ZRANB3: variants seen among roughly 807,000 people sequenced by gnomAD.
ZRANB3 encodes zinc finger RANBP2-type containing 3, also known as DNA annealing helicase and endonuclease ZRANB3.
Under a neutral mutation model 133.8 loss-of-function variants are expected in ZRANB3, and 125 were observed. That is an observed-to-expected ratio of 0.93 (90% CI 0.81 to 1.08). The LOEUF (loss-of-function observed/expected upper bound fraction) is 1.08, where lower values mean the gene tolerates loss of function less well. Among genes scored for constraint, ZRANB3 ranks in the 50% least tolerant of loss-of-function variants. The pLI is 0.00. For missense variants in ZRANB3, 1,229 were observed against 1,275.5 expected (o/e 0.96, Z 0.56); for synonymous variants, 387 against 432.7 (o/e 0.89, Z 1.31).
intron 12 of ZRANB3, among the ~76,000 whole-genome samples, chr2:135,237,329 T>G (rs1260536989): frequency 4.4e-4 from 66 of 151,272 alleles, no homozygotes; most frequent in Non-Finnish European, 6.3e-4. Context: ...AGGAACACTT[T>G]TACACTGTTG....
At chr2:135,513,620 A>G (rs531655656) in intron 1 of ZRANB3, among the ~76,000 whole-genome samples, 1 of 152,284 alleles carries the variant, frequency 6.6e-6, no homozygotes, top group African/African-American at 2.4e-5. Flanking sequence ...GAGAAAACAC[A>G]AGAGTAAACC....
chr2:135,415,650 G>A (rs10164636), intron 2 of ZRANB3, among the ~76,000 whole-genome samples: 40,574 of 151,900 alleles, frequency 0.27, 9,082 homozygotes, highest in African/African-American at 0.6. Flanking sequence ...CAGAGACACA[G>A]CCAAAAAAGA....
In ZRANB3 at chr2:135,485,458, A is replaced by G. The variant is rs1352781224; in HGVS notation, c.161+18871T>C. Among the ~76,000 whole-genome samples the G allele has an allele frequency of 2.6e-5, 4 of 152,226 alleles. No individual in the cohort carries two copies. In the East Asian group the frequency reaches 5.8e-4, roughly 22 times the overall value. On this transcript the variant is annotated intron_variant, in intron 2 of 20. Transcript: ENST00000264159. ...TTCTTTTGATTCAGAAGATACAGGCATACCTCCAAGATTTTGTGAGTTCAG... is the reference window on the plus strand; with the variant it reads ...TTCTTTTGATTCAGAAGATACAGGCGTACCTCCAAGATTTTGTGAGTTCAG...
chr2:135,251,263 G>A (rs543739935), intron 12 of ZRANB3, among the ~76,000 whole-genome samples: 1 of 152,262 alleles, frequency 6.6e-6, no homozygotes, highest in East Asian at 1.9e-4. Flanking sequence ...TTGTATCTAG[G>A]AAGTAACTAG....
Position 135,245,926 on chromosome 2 carries a change from C to CAAAAAAAAAAAAAAAAAAA in ZRANB3, c.1540-15018_1540-15000dup, listed in dbSNP as rs1177438717. On this transcript the variant is annotated intron_variant, in intron 12 of 20. Transcript: ENST00000264159. ...GGGCAACGAGATTGAAACTCCGTCT[C>CAAAAAAAAAAAAAAAAAAA]AAAAAAAAAAAAAAAAAAAAAAGAG... Among the ~76,000 whole-genome samples, 14 of 19,552 alleles carry CAAAAAAAAAAAAAAAAAAA rather than the reference C, an allele frequency of 7.2e-4. 2 individuals are homozygous for CAAAAAAAAAAAAAAAAAAA. In the East Asian group the frequency reaches 0.023, roughly 32 times the overall value. The allele number at this position is 19,552 out of a possible 152,430, so 12.8% of individuals were successfully genotyped here. A position where few individuals can be genotyped will look rare whatever the true frequency, so the allele number is the denominator to read the frequency against.
intron 1 of ZRANB3, among the ~76,000 whole-genome samples, chr2:135,517,022 G>T (rs1297852152): frequency 6.6e-6 from 1 of 151,552 alleles, no homozygotes; most frequent in African/African-American, 2.4e-5. Flanking sequence ...TCATTAAGTT[G>T]ATCTTCAATC....
At chr2:135,236,733 C>T (rs1695304569) in intron 12 of ZRANB3, among the ~76,000 whole-genome samples, 1 of 152,108 alleles carries the variant, frequency 6.6e-6, no homozygotes, top group Non-Finnish European at 1.5e-5. Context: ...ACTGGCTAGC[C>T]ATATGTAGAA....
intron 2 of ZRANB3, among the ~76,000 whole-genome samples, chr2:135,447,801 T>C (rs984029903): frequency 6.6e-6 from 1 of 152,216 alleles, no homozygotes; most frequent in Non-Finnish European, 1.5e-5. Flanking sequence ...CCAGTCTCTC[T>C]TCACTATCAT....
At chr2:135,203,420 C>T (rs1693708137) in intron 19 of ZRANB3, among the ~76,000 whole-genome samples, 1 of 151,952 alleles carries the variant, frequency 6.6e-6, no homozygotes, top group African/African-American at 2.4e-5. Context: ...GAGATCGAGA[C>T]AATCCTGGCT....
chr2:135,293,401 G>C (rs1681866321), intron 8 of ZRANB3, among the ~76,000 whole-genome samples: 1 of 151,982 alleles, frequency 6.6e-6, no homozygotes, highest in Non-Finnish European at 1.5e-5. Context: ...CTGTTTGTCT[G>C]TTATTGGTGT....
chr2:135,384,214 A>G (rs953417691), intron 3 of ZRANB3, among the ~76,000 whole-genome samples: 1 of 152,162 alleles, frequency 6.6e-6, no homozygotes, highest in Non-Finnish European at 1.5e-5. Flanking sequence ...TACTATAAAC[A>G]CCTCTACGCA....
chr2:135,354,326 CAT>C (rs1305602441), intron 3 of ZRANB3, among the ~76,000 whole-genome samples: 1 of 152,130 alleles, frequency 6.6e-6, no homozygotes, highest in Non-Finnish European at 1.5e-5. Flanking sequence ...AACAAGCAGA[CAT>C]AGAGAAGTTA....
intron 12 of ZRANB3, among the ~76,000 whole-genome samples, chr2:135,236,072 T>C (rs1433154632): frequency 2.6e-5 from 4 of 152,208 alleles, no homozygotes; most frequent in Non-Finnish European, 5.9e-5. Flanking sequence ...CTTAAGCCGA[T>C]AGGCAACTTC....
intron 17 of ZRANB3, 104 bp from the exon 18 acceptor site, chr2:135,209,082 C>T: frequency 1.8e-6 from 2 of 1,087,846 alleles, no homozygotes; most frequent in Non-Finnish European, 1.3e-6. Context: ...AAAAAGCAAG[C>T]ACAATTCTAT....
chr2:135,324,147 T>C (rs1211998393), intron 6 of ZRANB3, among the ~76,000 whole-genome samples: 2 of 151,922 alleles, frequency 1.3e-5, no homozygotes, highest in African/African-American at 4.8e-5. Flanking sequence ...TTGTTACATA[T>C]GTATACATGT....
chr2:135,386,735 C>G (rs1417680416), intron 3 of ZRANB3, among the ~76,000 whole-genome samples: 1 of 152,110 alleles, frequency 6.6e-6, no homozygotes, highest in Admixed American at 6.5e-5. Flanking sequence ...AGCAAACTAT[C>G]ACAAAGACAG....
intron 3 of ZRANB3, among the ~76,000 whole-genome samples, chr2:135,387,354 T>C (rs977956644): frequency 5.3e-5 from 8 of 152,228 alleles, no homozygotes; most frequent in African/African-American, 1.7e-4. Context: ...AGGAAAACCA[T>C]ATTAGAAAAC....
chr2:135,373,143 T>C (rs908609814), intron 3 of ZRANB3, among the ~76,000 whole-genome samples: 1 of 152,024 alleles, frequency 6.6e-6, no homozygotes, highest in Non-Finnish European at 1.5e-5. Flanking sequence ...TTCTGACTAG[T>C]TCAAGTGATC....
rs142478893 is a variant in ZRANB3 at position 135,335,821 on chromosome 2, C to G, written c.677+9729G>C. ...GTAACAGGATGCTTGGCTGGGTTATCTATGTGTTCTCTTTTTCTATGTAAA... is the reference window on the plus strand; with the variant it reads ...GTAACAGGATGCTTGGCTGGGTTATGTATGTGTTCTCTTTTTCTATGTAAA... On this transcript the variant is annotated intron_variant, in intron 6 of 20. Coordinates refer to ENST00000264159, the MANE Select transcript of ZRANB3 (RefSeq NM_032143.4). 2.0e-5 allele frequency among the ~76,000 whole-genome samples: 3 copies of G among 152,202 alleles called. No homozygotes were observed. The East Asian group carries it at 5.8e-4, about 29-fold the overall frequency.
Sources: gnomAD v4.1 joint callset for allele counts (sites outside exome capture counted in the v4.1 genomes callset) on GRCh38, gnomAD v4.1.1 for gene constraint, MANE v1.5 for transcripts, NCBI Gene and HGNC (gene_info 2026-07-23, HGNC 2026-07-21) for gene names.